The following SMG1 variants were observed in gnomAD, a reference collection of about 807,000 sequenced individuals.
The protein encoded by SMG1 is serine/threonine-protein kinase SMG1.
In SMG1, 22 loss-of-function variants were observed where a neutral mutation model predicts 419.9. The ratio of observed to expected loss-of-function variants is 0.05; its 90% CI spans 0.04 to 0.07. The LOEUF (loss-of-function observed/expected upper bound fraction) is 0.07. Among genes scored for constraint, SMG1 ranks in the 10% least tolerant of loss-of-function variants. The pLI is 1.00. For synonymous variants in SMG1, 1,538 were observed against 1,553.5 expected (o/e 0.99, Z 0.23); for missense variants, 3,185 against 4,342.0 (o/e 0.73, Z 7.49).
At chr16:18,817,148 A>ATCATCACTG (rs1386987822) in intron 57 of SMG1, 143 bp downstream of exon 57, 4 of 498,048 alleles carry the variant, frequency 8.0e-6, no homozygotes, top group Admixed American at 8.3e-5. Flanking sequence ...AAATAATTTA[A>ATCATCACTG]TCATCACTGT....
chr16:18,914,594 G>A (rs2037902044), intron 1 of SMG1, among the ~76,000 whole-genome samples: 1 of 152,096 alleles, frequency 6.6e-6, no homozygotes, highest in South Asian at 2.1e-4. Context: ...TGAGGTAGGA[G>A]AATCACTTGA....
chr16:18,847,356 T>C, intron 38 of SMG1, 97 bp downstream of exon 38: 1 of 1,330,514 alleles, frequency 7.5e-7, no homozygotes. Context: ...GCCACTGAAT[T>C]GTACACTTAA....
intron 41 of SMG1, 150 bp downstream of exon 41, chr16:18,841,415 A>G (rs868380890): frequency 1.2e-5 from 8 of 667,464 alleles, no homozygotes; most frequent in Middle Eastern, 4.3e-4. Flanking sequence ...AAAAAAAAAA[A>G]AAAGTACCTC....
intron 33 of SMG1, among the ~76,000 whole-genome samples, chr16:18,851,559 C>T (rs1482462734): frequency 6.6e-6 from 1 of 152,194 alleles, no homozygotes; most frequent in African/African-American, 2.4e-5. Context: ...ATGAACTTCA[C>T]TTAATAACTT....
At chr16:18,844,557 C>T (rs2034139925) in intron 39 of SMG1, among the ~76,000 whole-genome samples, 1 of 100,986 alleles carries the variant, frequency 9.9e-6, no homozygotes, top group Non-Finnish European at 2.0e-5. Flanking sequence ...ACATAATAAA[C>T]TTCATCCTTC....
chr16:18,870,011 A>C lies in SMG1; in HGVS notation c.2493-17T>G. The C allele has an allele frequency of 6.6e-7, 1 of 1,518,558 alleles. No individual in the cohort carries two copies. Among genetic ancestry groups the C allele is most frequent in the Non-Finnish European group, 8.8e-7 (1 of 1,134,718 alleles). The allele number at this position is 1,518,558 out of a possible 1,614,324, so 94.1% of individuals were successfully genotyped here. A position where few individuals can be genotyped will look rare whatever the true frequency, so the allele number is the denominator to read the frequency against. On this transcript the variant is annotated splice_polypyrimidine_tract_variant and intron_variant, in intron 18 of 62. Coordinates refer to ENST00000446231, the MANE Select transcript of SMG1 (RefSeq NM_015092.5). Reference sequence around the variant, plus strand: ...TTGTTATTGCTGTAGACAGAAAATAAAGTTGTTATGCAAAATATTTTAGCT... The same window carrying C: ...TTGTTATTGCTGTAGACAGAAAATACAGTTGTTATGCAAAATATTTTAGCT...
In SMG1 at chr16:18,849,248, G is replaced by A. The variant is rs1289136725; in HGVS notation, c.5592C>T (p.Thr1864=). 1.9e-6 allele frequency: 3 copies of A among 1,613,130 alleles called. No individual in the cohort carries two copies. The highest frequency in any genetic ancestry group is 1.7e-5 in the Admixed American group (1 of 59,942). ...HLILYPAIVG[T]ISLSSESQAS... ...CCTGGGATTCACTACTAAGCGATAT[G>A]GTACCCACTATTGCAGGATACAATA... Residue 1864 remains threonine, a synonymous_variant, in exon 36 of 63, where the codon ACC becomes ACT. Transcript: ENST00000446231.
In SMG1 at chr16:18,829,749, C is replaced by T. The variant is rs373670313; in HGVS notation, c.9140G>A (p.Ser3047Asn). Residue 3047 changes from serine (S) to asparagine (N), a missense_variant, in exon 54 of 63, where the codon AGT (serine) becomes AAT (asparagine). Physicochemically the swap from Ser to Asn is conservative, Grantham distance 46. Around this residue, in one of 27 missense-constraint regions of SMG1, gnomAD observed 737 missense variants for 846.6 expected, o/e 0.87. Transcript: ENST00000446231. ...GTFSKTLSGS[S>N]SLEDQNTVNG... ...CACAGTATTCTGATCTTCAAGTGAA[C>T]TTGATCCTACAAAAAGGAAAAATTT... 243 of 1,587,742 alleles carry T rather than the reference C, an allele frequency of 1.5e-4. No individual in the cohort carries two copies. The highest frequency in any genetic ancestry group is 2.0e-4 in the Non-Finnish European group (236 of 1,166,204).
At chr16:18,887,730 T>A (rs1271907172) in intron 6 of SMG1, among the ~76,000 whole-genome samples, 2 of 61,388 alleles carry the variant, frequency 3.3e-5, no homozygotes, top group Non-Finnish European at 6.2e-5. Context: ...TTTTTTAAAC[T>A]ACATACCCAA....
chr16:18,860,830 A>C (rs1423291013), intron 25 of SMG1, 54 bp from the exon 26 acceptor site: 20 of 289,654 alleles, frequency 6.9e-5, no homozygotes, highest in Non-Finnish European at 1.2e-4. Flanking sequence ...TGGAACCATT[A>C]AAAAAAAACA....
chr16:18,883,006 C>T (rs1056379411), intron 9 of SMG1, among the ~76,000 whole-genome samples: 12 of 152,134 alleles, frequency 7.9e-5, no homozygotes, highest in Admixed American at 2.6e-4. Context: ...GAAAAAAAGA[C>T]GTTCTAGGTG....
chr16:18,838,038 A>T lies in SMG1; in HGVS notation c.7389T>A (p.Phe2463Leu). ...EMEREITRSL[F>L]SSRVAEIKVN... ...CCTTAATCTCAGCTACTCTAGAAGAAAACAGGCTGCGGGTGATCTCTCGCT... is the reference window on the plus strand; with the variant it reads ...CCTTAATCTCAGCTACTCTAGAAGATAACAGGCTGCGGGTGATCTCTCGCT... The change falls in exon 45 of 63, where the codon TTT becomes TTA. Residue 2463 changes from phenylalanine (F) to leucine (L), a missense_variant. Physicochemically the swap from Phe to Leu is conservative, Grantham distance 22. Coordinates refer to ENST00000446231, the MANE Select transcript of SMG1 (RefSeq NM_015092.5). 6.2e-7 allele frequency: 1 copy of T among 1,613,994 alleles called. No homozygotes were observed. Among genetic ancestry groups the T allele is most frequent in the Non-Finnish European group, 8.5e-7 (1 of 1,179,896 alleles).
intron 40 of SMG1, 111 bp downstream of exon 40, chr16:18,842,097 G>T: frequency 8.4e-7 from 1 of 1,185,164 alleles, no homozygotes; most frequent in Non-Finnish European, 1.2e-6. Flanking sequence ...GGCTAATAAT[G>T]ACATACAGAA....
At chr16:18,874,558 C>A in intron 13 of SMG1, among the ~76,000 whole-genome samples, 1 of 80,944 alleles carries the variant, frequency 1.2e-5, no homozygotes, top group African/African-American at 4.7e-5. Context: ...TGTCGAATTA[C>A]TTAAAAAAAA....
chr16:18,871,537 A>C, intron 15 of SMG1, 55 bp from the exon 16 acceptor site: 1 of 841,612 alleles, frequency 1.2e-6, no homozygotes, highest in Non-Finnish European at 1.8e-6. Flanking sequence ...AAACCAAAAA[A>C]CATTAAAAGC....
At chr16:18,885,337 C>T (rs1039012044) in intron 7 of SMG1, 175 bp from the exon 8 acceptor site, 29 of 699,858 alleles carry the variant, frequency 4.1e-5, no homozygotes, top group African/African-American at 3.8e-4. Context: ...ACATTTCTGA[C>T]AACAATGAAA....
chr16:18,853,655 G>A lies in SMG1; in HGVS notation c.4696C>T (p.Leu1566Phe), dbSNP rs2034727750. The A allele has an allele frequency of 1.2e-6, 2 of 1,612,268 alleles. No individual in the cohort carries two copies. The highest frequency in any genetic ancestry group is 3.3e-5 in the Admixed American group (2 of 59,776). Reference protein sequence around the residue: ...TGLSTLSKNILTLIELPSVNT... With the variant: ...TGLSTLSKNIFTLIELPSVNT... ...ACAGATGGCAGTTCTATTAGAGTGA[G>A]TATGTTTTTAGACAAAGTAGAAAGA... is the stretch of plus-strand genomic sequence containing the variant. The change falls in exon 31 of 63, where the codon CTC becomes TTC. Residue 1566 changes from leucine (L) to phenylalanine (F), a missense_variant. Around this residue, in one of 27 missense-constraint regions of SMG1, gnomAD observed 493 missense variants for 552.9 expected, o/e 0.89. Coordinates refer to ENST00000446231, the MANE Select transcript of SMG1 (RefSeq NM_015092.5).
chr16:18,906,052 C>A (rs1281635931), intron 1 of SMG1, among the ~76,000 whole-genome samples: 1 of 152,186 alleles, frequency 6.6e-6, no homozygotes, highest in Non-Finnish European at 1.5e-5. Flanking sequence ...GATCCATCAA[C>A]AAGCACCATA....
intron 26 of SMG1, 105 bp downstream of exon 26, chr16:18,860,562 A>G: frequency 3.2e-6 from 2 of 617,092 alleles, no homozygotes; most frequent in Non-Finnish European, 5.8e-6. Context: ...TTCTGCCCCC[A>G]CAAAAATGTA....
Sources: allele counts gnomAD v4.1 joint callset (sites outside exome capture counted in the v4.1 genomes callset), GRCh38; gene constraint gnomAD v4.1.1; regional missense constraint gnomAD v4.1.1; transcripts MANE v1.5; gene names NCBI Gene and HGNC (gene_info 2026-07-23, HGNC 2026-07-21).